CAMKK1: variants seen among roughly 807,000 people sequenced by gnomAD.
CAMKK1 encodes calcium/calmodulin-dependent protein kinase kinase 1.
Under a neutral mutation model 63.5 loss-of-function variants are expected in CAMKK1, and 20 were observed. The observed-to-expected ratio is 0.32, with a 90% CI of 0.22 to 0.46. The LOEUF is 0.46. Ranked by LOEUF, CAMKK1 falls within the 20% of genes least tolerant of loss-of-function variation. The pLI is 1.00. For synonymous variants in CAMKK1, 253 were observed against 269.0 expected, an observed-to-expected ratio of 0.94 and a Z score of 0.58; for missense variants, 588 against 658.1, an observed-to-expected ratio of 0.89 and a Z score of 1.17.
rs869219931 is a variant in CAMKK1 at position 3,871,347 on chromosome 17, G to GTTTTTTTTTTTTTTTTTTTTT, written c.1124+1186_1124+1206dup. On this transcript the variant is annotated intron_variant, in intron 12 of 15. Transcript: ENST00000348335. ...TGTTGTTTTTTGTTTTTTTTTTTTT[G>GTTTTTTTTTTTTTTTTTTTTT]TTTTTTTTTTTTTTTTTTTTTTTTT... 3.2e-3 allele frequency among the ~76,000 whole-genome samples: 332 copies of GTTTTTTTTTTTTTTTTTTTTT among 104,322 alleles called. 5 individuals are homozygous for GTTTTTTTTTTTTTTTTTTTTT. The highest frequency in any genetic ancestry group is 4.1e-3 in the Non-Finnish European group (219 of 52,786). 68.4% of individuals were successfully genotyped at this position (104,322 alleles called of 152,430 possible). A position where few individuals can be genotyped will look rare whatever the true frequency, so the allele number is the denominator to read the frequency against.
Position 3,884,458 on chromosome 17 carries a change from C to A in CAMKK1, c.361-31G>T. The A allele has an allele frequency of 6.2e-7, 1 of 1,610,284 alleles. No homozygotes were observed. On this transcript the variant is annotated intron_variant, in intron 2 of 15. Coordinates refer to ENST00000348335, the MANE Select transcript of CAMKK1 (RefSeq NM_032294.3). This position sits in a 1 kb window ranked among gnomAD's most constrained non-coding sequence, Gnocchi z 4.5. ...GGGGAAGAGCGAGCACCAGGTGGAG[C>A]TGGGTCCGGAGGCAGCACTGCTCCT...
At chr17:3,871,061 G>C (rs777783579) in intron 12 of CAMKK1, among the ~76,000 whole-genome samples, 31 of 152,172 alleles carry the variant, frequency 2.0e-4, no homozygotes, top group Non-Finnish European at 4.0e-4. Context: ...AGGCAGATTT[G>C]TTGTGCTTTA....
At chr17:3,891,325 G>C (rs1049105883) in intron 1 of CAMKK1, among the ~76,000 whole-genome samples, 2 of 152,220 alleles carry the variant, frequency 1.3e-5, no homozygotes, top group Non-Finnish European at 2.9e-5. Context: ...ATTCAGATAT[G>C]ATATGTCAAG....
At chr17:3,873,002 C>G (rs552242630) in intron 11 of CAMKK1, among the ~76,000 whole-genome samples, 2 of 152,198 alleles carry the variant, frequency 1.3e-5, no homozygotes, top group Admixed American at 6.5e-5. Flanking sequence ...GGCACACCTG[C>G]GGGCAGGGAT....
chr17:3,874,214 A>G (rs968186867), intron 10 of CAMKK1, among the ~76,000 whole-genome samples: 5 of 152,128 alleles, frequency 3.3e-5, no homozygotes, highest in Non-Finnish European at 5.9e-5. Flanking sequence ...AGGAAAGACA[A>G]CGGCAGGCCA....
Position 3,876,389 on chromosome 17 carries a change from T to C in CAMKK1, c.830A>G (p.Lys277Arg), listed in dbSNP as rs370319027. The stretch of plus-strand genomic sequence containing the variant: ...ATCCCCCAGGAGCAGGTTGGATGGC[T>C]TGATGTCCCTGTGGACGATCTTCTG... ...HCQKIVHRDI[K>R]PSNLLLGDDG... Residue 277 changes from lysine (K) to arginine (R), a missense_variant, in exon 10 of 16, where the codon AAG becomes AGG. By Grantham distance (26) the Lys-to-Arg change is conservative. Coordinates refer to ENST00000348335, the MANE Select transcript of CAMKK1 (RefSeq NM_032294.3). 6.2e-7 allele frequency: 1 copy of C among 1,614,124 alleles called. No homozygotes were observed. The highest frequency in any genetic ancestry group is 1.3e-5 in the African/African-American group (1 of 74,950).
intron 10 of CAMKK1, among the ~76,000 whole-genome samples, chr17:3,875,440 C>T (rs569053706): frequency 1.3e-5 from 2 of 152,122 alleles, no homozygotes; most frequent in South Asian, 4.1e-4. Context: ...CACTACCACA[C>T]CTGTCTAATG....
intron 15 of CAMKK1, chr17:3,865,117 C>T (rs1021282487): frequency 1.9e-4 from 190 of 985,248 alleles, no homozygotes; most frequent in Non-Finnish European, 2.1e-4. Flanking sequence ...CACTGGTTTT[C>T]TCTCTGCAGG....
chr17:3,884,321 G>C lies in CAMKK1; in HGVS notation c.408+59C>G. 6.4e-7 allele frequency: 1 copy of C among 1,561,930 alleles called. No individual in the cohort carries two copies. The highest frequency in any genetic ancestry group is 8.8e-7 in the Non-Finnish European group (1 of 1,133,248). On this transcript the variant is annotated intron_variant, in intron 3 of 15. Coordinates refer to ENST00000348335, the MANE Select transcript of CAMKK1 (RefSeq NM_032294.3). This position sits in a 1 kb window ranked among gnomAD's most constrained non-coding sequence, Gnocchi z 4.5. The stretch of plus-strand genomic sequence containing the variant: ...CCCGTTCCCTCCCACACGAGAGAAG[G>C]AGCAGCGCCAAACAGAGAATCCCGA...
At chr17:3,864,437 G>A (rs1271538531) in intron 15 of CAMKK1, among the ~76,000 whole-genome samples, 7 of 151,178 alleles carry the variant, frequency 4.6e-5, no homozygotes, top group East Asian at 2.0e-4. Context: ...TAGTAGAGAC[G>A]GGGTTTCACC....
intron 8 of CAMKK1, among the ~76,000 whole-genome samples, chr17:3,881,311 G>T (rs1336798610): frequency 6.6e-6 from 1 of 152,182 alleles, no homozygotes; most frequent in Non-Finnish European, 1.5e-5. Context: ...GGTAAGAGTT[G>T]AGTCCCACCT....
In CAMKK1 at chr17:3,862,217, T is replaced by C; in HGVS notation, c.1512A>G (p.Ala504=). Residue 504 remains alanine (A), a synonymous_variant, in exon 16 of 16, where the codon GCA becomes GCG. Coordinates refer to ENST00000348335, the MANE Select transcript of CAMKK1 (RefSeq NM_032294.3). This position sits in a 1 kb window ranked among gnomAD's most constrained non-coding sequence, Gnocchi z 4.1. ...ELPGVQEDEA[A]S is the part of the protein sequence containing the mutation. ...CCTGGGTGCATGCAGGGGCTCAGGA[T>C]GCAGCCTCGTCTTCCTGGACGCCGG... The C allele has an allele frequency of 6.3e-7, 1 of 1,586,444 alleles. No homozygotes were observed. Among genetic ancestry groups the C allele is most frequent in the Non-Finnish European group, 8.6e-7 (1 of 1,165,842 alleles).
In CAMKK1 at chr17:3,885,798, A is replaced by T; in HGVS notation, c.-43-68T>A. ...GCTGGCTACCAGGTAAGGTAGCCACAGCGCTGTGGGTCCCACCTCCATGCC... is the reference window on the plus strand; with the variant it reads ...GCTGGCTACCAGGTAAGGTAGCCACTGCGCTGTGGGTCCCACCTCCATGCC... On this transcript the variant is annotated intron_variant, in intron 1 of 15. Transcript: ENST00000348335. 2.0e-6 allele frequency: 3 copies of T among 1,493,190 alleles called. No individual in the cohort carries two copies. The East Asian group carries it at 6.9e-5, about 34-fold the overall frequency. The allele number at this position is 1,493,190 out of a possible 1,614,324, so 92.5% of individuals were successfully genotyped here.
chr17:3,883,425 A>G lies in CAMKK1; in HGVS notation c.514+4T>C. ...TCCCAGGGACAGGATCAGAAGATAC[A>G]TACGTGGAAAGCCATACTGCTTCAG... On this transcript the variant is annotated splice_donor_region_variant and intron_variant, in intron 5 of 15. Coordinates refer to ENST00000348335, the MANE Select transcript of CAMKK1 (RefSeq NM_032294.3). This position sits in a 1 kb window ranked among gnomAD's most constrained non-coding sequence, Gnocchi z 4.7. The G allele has an allele frequency of 6.2e-7, 1 of 1,613,012 alleles. No homozygotes were observed. The highest frequency in any genetic ancestry group is 2.2e-5 in the East Asian group (1 of 44,868).
intron 15 of CAMKK1, chr17:3,865,031 C>A: frequency 1.3e-6 from 1 of 745,906 alleles, no homozygotes; most frequent in Non-Finnish European, 1.6e-6. Flanking sequence ...CTCCCACCAG[C>A]CCCTTCCCCA....
chr17:3,884,485 C>G lies in CAMKK1; in HGVS notation c.361-58G>C. On this transcript the variant is annotated intron_variant, in intron 2 of 15. Coordinates refer to ENST00000348335, the MANE Select transcript of CAMKK1 (RefSeq NM_032294.3). This position sits in a 1 kb window ranked among gnomAD's most constrained non-coding sequence, Gnocchi z 4.5. ...GGGTCCGGAGGCAGCACTGCTCCTA[C>G]CTCAGAGCCCGTTCAGGGTCCAATT... The G allele has an allele frequency of 2.0e-6, 3 of 1,533,592 alleles. No homozygotes were observed. Among genetic ancestry groups the G allele is most frequent in the Non-Finnish European group, 2.7e-6 (3 of 1,113,872 alleles). 95.0% of individuals were successfully genotyped at this position (1,533,592 alleles called of 1,614,324 possible).
chr17:3,885,198 T>C (rs974031426), intron 2 of CAMKK1, 130 bp downstream of exon 2: 7 of 1,098,464 alleles, frequency 6.4e-6, no homozygotes, highest in Non-Finnish European at 8.8e-6. Context: ...TGTTAGGTAG[T>C]GATCTCCCCA....
intron 7 of CAMKK1, 136 bp from the exon 8 acceptor site, chr17:3,881,784 T>C: frequency 1.3e-6 from 1 of 759,264 alleles, no homozygotes; most frequent in African/African-American, 1.7e-5. Flanking sequence ...CAGGGGACCC[T>C]GGGATATGAG....
chr17:3,871,794 C>CCG (rs2054899146), intron 12 of CAMKK1, among the ~76,000 whole-genome samples: 4 of 151,514 alleles, frequency 2.6e-5, no homozygotes, highest in Admixed American at 6.6e-5. Flanking sequence ...TACAGATGTG[C>CCG]GCCACCACGC....
Sources: gnomAD v4.1 joint callset for allele counts (sites outside exome capture counted in the v4.1 genomes callset) on GRCh38, gnomAD v4.1.1 for gene constraint, Gnocchi (gnomAD v3.1) non-coding constraint, MANE v1.5 for transcripts, NCBI Gene and HGNC (gene_info 2026-07-23, HGNC 2026-07-21) for gene names.